The following IDE variants were observed in gnomAD, a reference collection of about 807,000 sequenced individuals.
IDE encodes the protein insulin degrading enzyme, also known as insulin-degrading enzyme.
In IDE, 58 loss-of-function variants were observed where a neutral mutation model predicts 133.2. The observed-to-expected ratio is 0.44, with a 90% CI of 0.35 to 0.54. The LOEUF (loss-of-function observed/expected upper bound fraction) is 0.54. Among genes scored for constraint, IDE ranks in the 20% least tolerant of loss-of-function variants. IDE has a pLI of 0.00. For synonymous variants in IDE, 396 were observed against 421.3 expected (o/e 0.94, Z 0.73); for missense variants, 981 against 1,234.0 (o/e 0.79, Z 3.07).
chr10:92,532,995 A>G (rs1286249850), intron 3 of IDE, among the ~76,000 whole-genome samples: 1 of 152,222 alleles, frequency 6.6e-6, no homozygotes, highest in Non-Finnish European at 1.5e-5. Flanking sequence ...TGGAGTCTAT[A>G]ATCAAAGATG....
Position 92,506,438 on chromosome 10 carries a change from T to C in IDE, c.1326+4A>G. On this transcript the variant is annotated splice_donor_region_variant and intron_variant, in intron 10 of 24. Coordinates refer to ENST00000265986, the MANE Select transcript of IDE (RefSeq NM_004969.4). ...TGTATACAGTAAAATAACAACAAAC[T>C]TACATGCAATATTCCTGCAATCTTA... is the stretch of plus-strand genomic sequence containing the variant. 1 of 1,481,284 alleles carries C rather than the reference T, an allele frequency of 6.8e-7. No individual in the cohort carries two copies. The highest frequency in any genetic ancestry group is 9.4e-7 in the Non-Finnish European group (1 of 1,065,358). The allele number at this position is 1,481,284 out of a possible 1,614,324, so 91.8% of individuals were successfully genotyped here. A position where few individuals can be genotyped will look rare whatever the true frequency, so the allele number is the denominator to read the frequency against.
chr10:92,476,557 G>A (rs1329480244), intron 15 of IDE, among the ~76,000 whole-genome samples: 2 of 151,992 alleles, frequency 1.3e-5, no homozygotes, highest in Non-Finnish European at 2.9e-5. Context: ...AAACTCCTGA[G>A]CTCAAGTGAA....
At chr10:92,506,723 T>A (rs974577180) in intron 9 of IDE, among the ~76,000 whole-genome samples, 1 of 152,190 alleles carries the variant, frequency 6.6e-6, no homozygotes, top group Non-Finnish European at 1.5e-5. Context: ...ATTTAATCCA[T>A]CAATCTAGGC....
chr10:92,504,741 T>G, intron 11 of IDE, 53 bp downstream of exon 11: 1 of 918,948 alleles, frequency 1.1e-6, no homozygotes, highest in Non-Finnish European at 1.7e-6. Context: ...TTTCAGATTC[T>G]AATCATTATT....
intron 3 of IDE, among the ~76,000 whole-genome samples, chr10:92,532,202 G>C (rs1307161865): frequency 6.6e-6 from 1 of 150,528 alleles, no homozygotes; most frequent in Non-Finnish European, 1.5e-5. Flanking sequence ...ATGGACAATA[G>C]CAGTCTATTT....
chr10:92,464,107 G>T, intron 20 of IDE, 104 bp from the exon 21 acceptor site: 1 of 1,197,170 alleles, frequency 8.4e-7, no homozygotes, highest in Non-Finnish European at 1.2e-6. Context: ...TCTAGTTTAA[G>T]GTTTTAGAGT....
intron 4 of IDE, among the ~76,000 whole-genome samples, chr10:92,524,463 T>G (rs865949401): frequency 1.9e-5 from 1 of 52,922 alleles, no homozygotes; most frequent in Non-Finnish European, 3.1e-5. Flanking sequence ...ATTATATATT[T>G]TATATAATAT....
intron 22 of IDE, among the ~76,000 whole-genome samples, chr10:92,459,127 A>G (rs1317166623): frequency 6.6e-6 from 1 of 152,168 alleles, no homozygotes; most frequent in East Asian, 1.9e-4. Flanking sequence ...TGTTAAGGTG[A>G]TATCAGCTAT....
chr10:92,534,482 G>C (rs1177019298), intron 3 of IDE, 96 bp downstream of exon 3: 4 of 769,172 alleles, frequency 5.2e-6, no homozygotes, highest in Non-Finnish European at 8.3e-6. Context: ...AATACCTTTT[G>C]TTAAATTATG....
intron 4 of IDE, among the ~76,000 whole-genome samples, chr10:92,516,285 G>C (rs1009115840): frequency 2.0e-5 from 3 of 151,970 alleles, no homozygotes; most frequent in Non-Finnish European, 2.9e-5. Context: ...CCTGAGGTGA[G>C]GAGTTCAAGA....
At chr10:92,538,713 G>A (rs1842143386) in intron 1 of IDE, among the ~76,000 whole-genome samples, 1 of 151,216 alleles carries the variant, frequency 6.6e-6, no homozygotes, top group African/African-American at 2.4e-5. Context: ...AGAGTCTGGG[G>A]TACGCATGTT....
rs1842170657 is a variant in IDE, at chr10:92,539,122, T to C, written c.99-1572A>G. Among the ~76,000 whole-genome samples, 4 of 152,148 alleles carry C rather than the reference T, an allele frequency of 2.6e-5. No homozygotes were observed. In the East Asian group the frequency reaches 5.8e-4, roughly 22 times the overall value. On this transcript the variant is annotated intron_variant, in intron 1 of 24. Coordinates refer to ENST00000265986, the MANE Select transcript of IDE (RefSeq NM_004969.4). ...AAATCACCTATAACTATTCTTCCAA[T>C]CTGCATAACAATTGATAAATCAAAG...
At position 92,553,584 on chromosome 10, in the gene IDE, T is replaced by C. The variant is rs1463241977; in HGVS notation, c.99-16034A>G. 2.0e-5 allele frequency among the ~76,000 whole-genome samples: 3 copies of C among 151,898 alleles called. No individual in the cohort carries two copies. The South Asian group carries it at 6.2e-4, about 32-fold the overall frequency. ...TACAGGCCAATAACCTTGATGAATA[T>C]AGACAAACATTTAGCCAGACTAAGA... is the stretch of plus-strand genomic sequence containing the variant. On this transcript the variant is annotated intron_variant, in intron 1 of 24. Transcript: ENST00000265986.
chr10:92,478,615 T>C, intron 15 of IDE: 1 of 1,143,312 alleles, frequency 8.7e-7, no homozygotes, highest in South Asian at 1.9e-5. Flanking sequence ...AACGGGGTGG[T>C]GCCTTTTCTT....
intron 4 of IDE, among the ~76,000 whole-genome samples, chr10:92,522,144 TC>T (rs1012348590): frequency 5.3e-5 from 8 of 152,006 alleles, no homozygotes; most frequent in African/African-American, 1.7e-4. Context: ...TGTATTAGAG[TC>T]TGATTTGGTG....
chr10:92,521,677 T>C (rs1849233558), intron 4 of IDE, among the ~76,000 whole-genome samples: 1 of 151,694 alleles, frequency 6.6e-6, no homozygotes, highest in Admixed American at 6.6e-5. Flanking sequence ...AGATCCTGTC[T>C]CTACAAAAAT....
chr10:92,563,498 AT>A (rs1843379094), intron 1 of IDE, among the ~76,000 whole-genome samples: 1 of 151,892 alleles, frequency 6.6e-6, no homozygotes, highest in Non-Finnish European at 1.5e-5. Flanking sequence ...CAAACCTGTA[AT>A]TCCAGCACTT....
At chr10:92,531,006 T>A (rs1166702403) in intron 4 of IDE, among the ~76,000 whole-genome samples, 1 of 152,214 alleles carries the variant, frequency 6.6e-6, no homozygotes, top group Non-Finnish European at 1.5e-5. Context: ...CTTATGTACT[T>A]TTATAATACC....
intron 1 of IDE, among the ~76,000 whole-genome samples, chr10:92,553,610 A>G (rs1204197219): frequency 3.9e-5 from 6 of 152,078 alleles, no homozygotes; most frequent in Non-Finnish European, 5.9e-5. Flanking sequence ...CAGACTAAGA[A>G]AAAAAGAGAG....
Sources: gnomAD v4.1 joint callset for allele counts (sites outside exome capture counted in the v4.1 genomes callset) on GRCh38, gnomAD v4.1.1 for gene constraint, MANE v1.5 for transcripts, NCBI Gene and HGNC (gene_info 2026-07-23, HGNC 2026-07-21) for gene names.